AGMO: variants seen among roughly 807,000 people sequenced by gnomAD.
The protein encoded by AGMO is glyceryl-ether monooxygenase.
Under a neutral mutation model 60.2 loss-of-function variants are expected in AGMO, and 75 were observed. The ratio of observed to expected loss-of-function variants is 1.25; its 90% confidence interval spans 1.03 to 1.51. AGMO has a LOEUF of 1.51. AGMO is among the 40% of genes most tolerant of loss of function. The pLI, the probability that AGMO is intolerant of heterozygous loss-of-function variation, is 0.00. For missense variants in AGMO, 763 were observed against 525.5 expected, an observed-to-expected ratio of 1.45 and a Z score of -4.42; for synonymous variants, 261 against 177.1, an observed-to-expected ratio of 1.47 and a Z score of -3.76.
chr7:15,304,786 A>G (rs1045067472), intron 12 of AGMO, among the ~76,000 whole-genome samples: 2 of 152,102 alleles, frequency 1.3e-5, no homozygotes, highest in Non-Finnish European at 2.9e-5. Flanking sequence ...ACAGAACTGG[A>G]AAATGATAAG....
At chr7:15,196,517 A>G (rs902123446), downstream of AGMO, among the ~76,000 whole-genome samples, 6 of 152,196 alleles carry the variant, frequency 3.9e-5, no homozygotes, top group African/African-American at 1.4e-4. Context: ...GCTTATTTCT[A>G]AAACTTGACA....
At chr7:15,386,625 A>G (rs1026344001) in intron 9 of AGMO, among the ~76,000 whole-genome samples, 3 of 152,212 alleles carry the variant, frequency 2.0e-5, no homozygotes, top group East Asian at 1.9e-4. Context: ...TTTTTTCAAA[A>G]TAACAGTATT....
intron 2 of AGMO, among the ~76,000 whole-genome samples, chr7:15,556,496 A>G (rs1785144500): frequency 6.6e-6 from 1 of 152,070 alleles, no homozygotes; most frequent in Non-Finnish European, 1.5e-5. Context: ...AAAAACAAAC[A>G]TACTGTAGAT....
chr7:15,551,199 A>G (rs950734421), intron 2 of AGMO, among the ~76,000 whole-genome samples: 10 of 152,236 alleles, frequency 6.6e-5, no homozygotes, highest in African/African-American at 1.2e-4. Flanking sequence ...TGACAAACCC[A>G]CAGCCAATAT....
chr7:15,425,437 AT>A (rs34010266), intron 4 of AGMO, among the ~76,000 whole-genome samples: 1,960 of 143,326 alleles, frequency 0.014, 32 homozygotes, highest in African/African-American at 0.043. Flanking sequence ...TGTTTATTTT[AT>A]TTTTTTTTTT....
At chr7:15,152,810 T>C in the AGMO span, among the ~76,000 whole-genome samples, 1 of 152,178 alleles carries the variant, frequency 6.6e-6, no homozygotes, top group Non-Finnish European at 1.5e-5. Flanking sequence ...AAGGTGTGTA[T>C]GCAAGTATCT....
intron 3 of AGMO, among the ~76,000 whole-genome samples, chr7:15,500,445 C>A (rs922223564): frequency 2.0e-5 from 3 of 151,702 alleles, no homozygotes; most frequent in African/African-American, 7.3e-5. Flanking sequence ...AAGGAAAACC[C>A]TACAGTATTT....
At chr7:15,179,532 G>A in the AGMO span, among the ~76,000 whole-genome samples, 1 of 152,140 alleles carries the variant, frequency 6.6e-6, no homozygotes, top group African/African-American at 2.4e-5. Context: ...ACACACTAGG[G>A]CAGGGGTAGA....
intron 12 of AGMO, among the ~76,000 whole-genome samples, chr7:15,257,060 A>G (rs1215578849): frequency 6.6e-6 from 1 of 152,194 alleles, no homozygotes; most frequent in East Asian, 1.9e-4. Context: ...AAAGAATGAT[A>G]AAAGCAACTG....
chr7:15,159,125 C>T, the AGMO span, among the ~76,000 whole-genome samples: 11 of 152,106 alleles, frequency 7.2e-5, no homozygotes, highest in African/African-American at 2.4e-4. Context: ...TTCCAAATAA[C>T]ACCCCATGTG....
chr7:15,195,475 C>A (rs1400495330), downstream of AGMO, among the ~76,000 whole-genome samples: 1 of 152,140 alleles, frequency 6.6e-6, no homozygotes, highest in Non-Finnish European at 1.5e-5. Flanking sequence ...CATAGTACTG[C>A]GAAGAAGCTT....
At chr7:15,287,273 G>T (rs1250948635) in intron 12 of AGMO, among the ~76,000 whole-genome samples, 1 of 151,990 alleles carries the variant, frequency 6.6e-6, no homozygotes, top group African/African-American at 2.4e-5. Flanking sequence ...AAAATTAATA[G>T]AAATTATCAA....
At chr7:15,436,869 C>T (rs1781417390) in intron 3 of AGMO, among the ~76,000 whole-genome samples, 1 of 152,112 alleles carries the variant, frequency 6.6e-6, no homozygotes, top group Non-Finnish European at 1.5e-5. Flanking sequence ...TCAACACATG[C>T]TATTAAATGA....
intron 12 of AGMO, among the ~76,000 whole-genome samples, chr7:15,259,409 T>G (rs1783201872): frequency 6.6e-6 from 1 of 152,050 alleles, no homozygotes; most frequent in East Asian, 1.9e-4. Context: ...TCTGGGACTA[T>G]GTTAAACATA....
intron 12 of AGMO, among the ~76,000 whole-genome samples, chr7:15,217,555 G>C (rs890695916): frequency 1.3e-5 from 2 of 151,716 alleles, no homozygotes; most frequent in Non-Finnish European, 2.9e-5. Context: ...AAACAAATAA[G>C]GGACTAAAAA....
chr7:15,365,573 T>G lies in AGMO; in HGVS notation c.1204A>C (p.Met402Leu). ...TTCAGGTGACCAAATCGGTACAGCA[T>G]TAAGAACATCAAGCAACGGAGAGTT... Reference protein sequence around the residue: ...METLRCLMFLMLYRFGHLKPL... With the variant: ...METLRCLMFLLLYRFGHLKPL... Residue 402 changes from methionine to leucine, a missense_variant, in exon 12 of 13, where the codon ATG becomes CTG. Physicochemically the swap from Met to Leu is conservative, Grantham distance 15. Transcript: ENST00000342526. The G allele has an allele frequency of 6.2e-7, 1 of 1,612,832 alleles. No homozygotes were observed. Among genetic ancestry groups the G allele is most frequent in the Non-Finnish European group, 8.5e-7 (1 of 1,179,110 alleles).
At chr7:15,502,205 C>G (rs1443711284) in intron 3 of AGMO, among the ~76,000 whole-genome samples, 1 of 151,964 alleles carries the variant, frequency 6.6e-6, no homozygotes, top group Non-Finnish European at 1.5e-5. Context: ...TCTTGCCTCT[C>G]CAAATTTCTC....
intron 12 of AGMO, among the ~76,000 whole-genome samples, chr7:15,349,698 T>C (rs1782165088): frequency 6.6e-6 from 1 of 152,158 alleles, no homozygotes; most frequent in African/African-American, 2.4e-5. Context: ...GACTCACAGT[T>C]CTGCATGGCT....
intron 8 of AGMO, among the ~76,000 whole-genome samples, chr7:15,389,200 C>T (rs1784041959): frequency 6.6e-6 from 1 of 152,112 alleles, no homozygotes; most frequent in African/African-American, 2.4e-5. Flanking sequence ...GGATCTTGGA[C>T]CAGACCACAG....
Sources: allele counts gnomAD v4.1 joint callset (sites outside exome capture counted in the v4.1 genomes callset), GRCh38; gene constraint gnomAD v4.1.1; transcripts MANE v1.5; gene names NCBI Gene and HGNC (gene_info 2026-07-23, HGNC 2026-07-21).